GAPVD1: variants seen among roughly 807,000 people sequenced by gnomAD.
The protein encoded by GAPVD1 is GTPase activating protein and VPS9 domains 1, also known as GTPase-activating protein and VPS9 domain-containing protein 1.
GAPVD1 carries 35 observed loss-of-function variants against 155.5 expected under a neutral mutation model. The observed-to-expected ratio is 0.23, with a 90% CI of 0.17 to 0.30. The LOEUF (loss-of-function observed/expected upper bound fraction) is 0.30, where lower values mean the gene tolerates loss of function less well. GAPVD1 is among the 10% of genes least tolerant of loss of function. The probability of loss-of-function intolerance (pLI) is 1.00; values close to 1 mark genes in which losing one functional copy is unlikely to be tolerated. For missense variants in GAPVD1, 1,429 were observed against 1,775.7 expected, an observed-to-expected ratio of 0.80 and a Z score of 3.51; for synonymous variants, 636 against 619.7, an observed-to-expected ratio of 1.03 and a Z score of -0.39.
rs188231310 is a variant in GAPVD1, at chr9:125,285,372, G to C, written c.-149-10086G>C. On this transcript the variant is annotated intron_variant, in intron 2 of 27. Coordinates refer to ENST00000297933, the MANE Select transcript of GAPVD1 (RefSeq NM_001282680.3). ...CTCCTTACTGTGCTCTCAGTGATAA[G>C]TGTTAAAACATGAGTTGAAAAACTT... Among the ~76,000 whole-genome samples the C allele has an allele frequency of 8.6e-4, 130 of 151,482 alleles. 1 individual carries two copies. The highest frequency in any genetic ancestry group is 1.8e-3 in the Admixed American group (27 of 15,188).
intron 25 of GAPVD1, among the ~76,000 whole-genome samples, chr9:125,358,013 A>G (rs1264133645): frequency 2.0e-5 from 3 of 151,930 alleles, no homozygotes; most frequent in African/African-American, 7.3e-5. Flanking sequence ...ACACAAAACA[A>G]TTAATCTTGG....
chr9:125,341,301 T>G, intron 18 of GAPVD1, 37 bp downstream of exon 18: 1 of 1,023,208 alleles, frequency 9.8e-7, no homozygotes, highest in Non-Finnish European at 1.5e-6. Context: ...GTATTAGCAA[T>G]AAGAAGCAAA....
chr9:125,264,811 C>T (rs944145150), intron 1 of GAPVD1, among the ~76,000 whole-genome samples: 40 of 151,674 alleles, frequency 2.6e-4, no homozygotes, highest in Non-Finnish European at 3.1e-4. Flanking sequence ...CTCTGCCTAC[C>T]GGGTTCATGC....
rs370679001 is a variant in GAPVD1, at chr9:125,319,945, TC to T, written c.1603-1487del. ...TCATGTGTAAATGTATAAAACCATT[TC>T]AAAACCTTTAATTTACTCAGAGCCA... On this transcript the variant is annotated intron_variant, in intron 9 of 27. Transcript: ENST00000297933. Among the ~76,000 whole-genome samples, 114 of 152,306 alleles carry T rather than the reference TC, an allele frequency of 7.5e-4. 1 individual carries two copies. Among genetic ancestry groups the T allele is most frequent in the South Asian group, 3.1e-3 (15 of 4,828 alleles).
intron 2 of GAPVD1, among the ~76,000 whole-genome samples, chr9:125,277,893 A>G (rs1451011016): frequency 6.6e-6 from 1 of 151,902 alleles, no homozygotes; most frequent in Admixed American, 6.6e-5. Flanking sequence ...GTCTTGAACT[A>G]CTGTACTCAA....
intron 19 of GAPVD1, among the ~76,000 whole-genome samples, chr9:125,343,735 C>T (rs966361660): frequency 6.6e-6 from 1 of 152,190 alleles, no homozygotes; most frequent in Admixed American, 6.5e-5. Flanking sequence ...AGTCAAATCA[C>T]ACATGACTCT....
chr9:125,341,285 A>G (rs754990118), intron 18 of GAPVD1, 21 bp downstream of exon 18: 1 of 1,205,882 alleles, frequency 8.3e-7, no homozygotes, highest in African/African-American at 1.5e-5. Flanking sequence ...AAAATATTAG[A>G]ACGCTGTATT....
At chr9:125,312,205 TC>T (rs369616190) in intron 8 of GAPVD1, among the ~76,000 whole-genome samples, 185 of 152,366 alleles carry the variant, frequency 1.2e-3, no homozygotes, top group African/African-American at 4.1e-3. Context: ...GTGTGGCACT[TC>T]CTGTCAGATG....
At chr9:125,347,020 A>AAAAG in intron 20 of GAPVD1, 79 bp downstream of exon 20, 2 of 1,430,786 alleles carry the variant, frequency 1.4e-6, no homozygotes, top group Non-Finnish European at 1.9e-6. Flanking sequence ...AGTGGCCTTT[A>AAAAG]AAAGAAAGAA....
intron 2 of GAPVD1, among the ~76,000 whole-genome samples, chr9:125,282,082 C>T (rs1178188220): frequency 3.3e-5 from 5 of 152,126 alleles, no homozygotes; most frequent in African/African-American, 1.2e-4. Flanking sequence ...AGATTGAGAC[C>T]ATCCTGGCCA....
intron 20 of GAPVD1, among the ~76,000 whole-genome samples, chr9:125,347,148 C>T (rs78848798): frequency 5.1e-4 from 77 of 152,254 alleles, no homozygotes; most frequent in African/African-American, 1.7e-3. Flanking sequence ...GTTCAAATGC[C>T]TTAGAGTTGT....
At chr9:125,295,180 ATATTAT>A (rs750109651) in intron 2 of GAPVD1, among the ~76,000 whole-genome samples, 1 of 152,004 alleles carries the variant, frequency 6.6e-6, no homozygotes, top group Non-Finnish European at 1.5e-5. Flanking sequence ...TTTGATATTA[ATATTAT>A]TATTGTTAGT....
intron 9 of GAPVD1, among the ~76,000 whole-genome samples, chr9:125,314,643 A>C (rs989642969): frequency 9.2e-5 from 14 of 152,022 alleles, no homozygotes; most frequent in African/African-American, 3.4e-4. Flanking sequence ...AACAAGAGTG[A>C]AACTCTGTCT....
At chr9:125,332,458 T>G in intron 14 of GAPVD1, 52 bp from the exon 15 acceptor site, 1 of 1,419,162 alleles carries the variant, frequency 7.0e-7, no homozygotes, top group Non-Finnish European at 9.7e-7. Flanking sequence ...ATACTTTTTG[T>G]GTGGATATTT....
At chr9:125,360,195 G>A (rs1360857601) in intron 26 of GAPVD1, among the ~76,000 whole-genome samples, 2 of 152,078 alleles carry the variant, frequency 1.3e-5, no homozygotes, top group South Asian at 4.1e-4. Context: ...TGTACTTCTG[G>A]AATCAGCTAC....
chr9:125,262,551 C>G (rs1258627267), intron 1 of GAPVD1, among the ~76,000 whole-genome samples: 1 of 152,084 alleles, frequency 6.6e-6, no homozygotes, highest in Non-Finnish European at 1.5e-5. Context: ...GCTGGCTAGG[C>G]AAACCACAGA....
Position 125,348,497 on chromosome 9 carries a change from T to C in GAPVD1, c.3170-893T>C, listed in dbSNP as rs186389746. ...TTTGATTGTATACATGTATGTGTTG[T>C]ATTATATGTTCTTTTGTGTGTGTGG... is the stretch of plus-strand genomic sequence containing the variant. On this transcript the variant is annotated intron_variant, in intron 20 of 27. Transcript: ENST00000297933. Among the ~76,000 whole-genome samples, 67 of 152,224 alleles carry C rather than the reference T, an allele frequency of 4.4e-4. No homozygotes were observed. In the East Asian group the frequency reaches 0.013, roughly 29 times the overall value.
chr9:125,269,430 G>A (rs1438443061), intron 2 of GAPVD1, among the ~76,000 whole-genome samples: 1 of 151,764 alleles, frequency 6.6e-6, no homozygotes, highest in Non-Finnish European at 1.5e-5. Context: ...ACTTGTGCTT[G>A]CATAGAATTA....
At chr9:125,336,170 C>T (rs1223089300) in intron 15 of GAPVD1, among the ~76,000 whole-genome samples, 2 of 149,150 alleles carry the variant, frequency 1.3e-5, no homozygotes, top group African/African-American at 4.9e-5. Flanking sequence ...AAGCCTGAGA[C>T]CAAAATTTGA....
Sources: allele counts gnomAD v4.1 joint callset (sites outside exome capture counted in the v4.1 genomes callset), GRCh38; gene constraint gnomAD v4.1.1; transcripts MANE v1.5; gene names NCBI Gene and HGNC (gene_info 2026-07-23, HGNC 2026-07-21).